RGPD3: variants seen among roughly 807,000 people sequenced by gnomAD.
RGPD3 encodes RANBP2 like and GRIP domain containing 3, also known as ranBP2-like and GRIP domain-containing protein 3.
A neutral mutation model predicts 154.5 loss-of-function variants in RGPD3; 62 were observed. That is an observed-to-expected ratio of 0.40 (90% CI 0.33 to 0.50). The LOEUF is 0.50. Ranked by LOEUF, RGPD3 falls within the 20% of genes least tolerant of loss-of-function variation. RGPD3 has a pLI of 0.59. For missense variants in RGPD3, 919 were observed against 1,716.8 expected (o/e 0.54, Z 8.21); for synonymous variants, 308 against 607.0 (o/e 0.51, Z 7.24).
At chr2:106,449,114 CAA>C (rs1180648687) in intron 6 of RGPD3, among the ~76,000 whole-genome samples, 3 of 151,744 alleles carry the variant, frequency 2.0e-5, no homozygotes, top group East Asian at 3.9e-4. Context: ...AATGCAAAAA[CAA>C]TGACACTTTT....
chr2:106,437,617 T>C (rs1480890665), intron 9 of RGPD3, among the ~76,000 whole-genome samples: 1 of 152,256 alleles, frequency 6.6e-6, no homozygotes, highest in South Asian at 2.1e-4. Context: ...AAGATGTTCA[T>C]GTCCTTTGTC....
At chr2:106,409,186 C>G in intron 22 of RGPD3, among the ~76,000 whole-genome samples, 1 of 152,106 alleles carries the variant, frequency 6.6e-6, no homozygotes, top group African/African-American at 2.4e-5. Flanking sequence ...CCTTCAGTGC[C>G]AGGAAGAGTG....
At chr2:106,462,183 T>C (rs1344168721) in intron 1 of RGPD3, among the ~76,000 whole-genome samples, 1 of 152,080 alleles carries the variant, frequency 6.6e-6, no homozygotes, top group Non-Finnish European at 1.5e-5. Context: ...GCCCGGCCAG[T>C]TCCCCCTTTT....
chr2:106,461,441 C>T (rs546394507), intron 1 of RGPD3, among the ~76,000 whole-genome samples: 1 of 152,164 alleles, frequency 6.6e-6, no homozygotes, highest in Non-Finnish European at 1.5e-5. Flanking sequence ...ATATGTTGGA[C>T]AAAGGGATGA....
At chr2:106,438,004 T>A (rs1677619605) in intron 9 of RGPD3, among the ~76,000 whole-genome samples, 1 of 152,248 alleles carries the variant, frequency 6.6e-6, no homozygotes, top group Non-Finnish European at 1.5e-5. Flanking sequence ...TGATCTTGGC[T>A]CACTGCAACC....
chr2:106,464,679 A>C, intron 1 of RGPD3, among the ~76,000 whole-genome samples: 1 of 152,022 alleles, frequency 6.6e-6, no homozygotes, highest in Non-Finnish European at 1.5e-5. Flanking sequence ...ACTAAACAGA[A>C]GCCATCTGGA....
chr2:106,423,864 T>G lies in RGPD3; in HGVS notation c.4103A>C (p.Asp1368Ala). The change falls in exon 20 of 23, where the codon GAT becomes GCT. Residue 1368 changes from aspartate (D) to alanine (A), a missense_variant. By Grantham distance (126) the Asp-to-Ala change is moderately radical (BLOSUM62 -2). Coordinates refer to ENST00000409886, the MANE Select transcript of RGPD3 (RefSeq NM_001144013.2). The stretch of plus-strand genomic sequence containing the variant: ...TTCTTTCCATTGACCAACATCTTTA[T>G]CATATCTGTAGAATTCTGCCCTGTG... ...FSHRAEFYRY[D>A]KDVGQWKERG... 1 of 1,612,014 alleles carries G rather than the reference T, an allele frequency of 6.2e-7. No homozygotes were observed. The highest frequency in any genetic ancestry group is 8.5e-7 in the Non-Finnish European group (1 of 1,179,876).
intron 21 of RGPD3, among the ~76,000 whole-genome samples, chr2:106,414,608 C>T (rs1408221013): frequency 6.2e-5 from 9 of 144,766 alleles, no homozygotes; most frequent in Non-Finnish European, 9.0e-5. Flanking sequence ...AGTGACAGAG[C>T]GAGACTATCT....
intron 9 of RGPD3, among the ~76,000 whole-genome samples, chr2:106,437,461 A>G (rs10190460): frequency 6.6e-6 from 1 of 151,784 alleles, no homozygotes; most frequent in East Asian, 1.9e-4. Flanking sequence ...GCAGTGAGCC[A>G]AGATTGCGCC....
Position 106,404,293 on chromosome 2 carries a change from G to A in RGPD3, c.*926C>T, listed in dbSNP as rs1351167444. ...TGCAGTGACACCCTATCAAGAGCCT[G>A]GAAAGACACCATGAAATCACCTCAA... On this transcript the variant is annotated 3_prime_UTR_variant, in exon 23 of 23. Coordinates refer to ENST00000409886, the MANE Select transcript of RGPD3 (RefSeq NM_001144013.2). Among the ~76,000 whole-genome samples the A allele has an allele frequency of 2.0e-5, 3 of 149,798 alleles. No homozygotes were observed. Among genetic ancestry groups the A allele is most frequent in the Non-Finnish European group, 4.4e-5 (3 of 67,578 alleles).
intron 21 of RGPD3, among the ~76,000 whole-genome samples, chr2:106,414,060 T>C (rs1288738550): frequency 2.0e-5 from 3 of 151,874 alleles, no homozygotes; most frequent in Non-Finnish European, 4.4e-5. Context: ...CGGCACTTAA[T>C]CAAAAGTTCA....
rs1012235450 is a variant in RGPD3 at position 106,468,348 on chromosome 2, C to G, written c.-60G>C. On this transcript the variant is annotated 5_prime_UTR_variant, in exon 1 of 23. Coordinates refer to ENST00000409886, the MANE Select transcript of RGPD3 (RefSeq NM_001144013.2). ...CCAGCGCTCAGCCCCGCAGCAGTCG[C>G]CAATTCCAAGAGGAAAGCGCCTGAA... 7 of 1,558,520 alleles carry G rather than the reference C, an allele frequency of 4.5e-6. No individual in the cohort carries two copies. The African/African-American group carries it at 9.5e-5, about 21-fold the overall frequency.
intron 6 of RGPD3, among the ~76,000 whole-genome samples, chr2:106,450,862 C>T (rs1450470020): frequency 7.8e-5 from 8 of 102,258 alleles, no homozygotes; most frequent in East Asian, 4.5e-4. Context: ...GCCAACCTGG[C>T]GAGAGCAAGA....
chr2:106,425,392 T>C (rs1677166770), intron 19 of RGPD3, 126 bp from the exon 20 acceptor site: 9 of 1,279,148 alleles, frequency 7.0e-6, no homozygotes. Context: ...ATGATGATGA[T>C]AACATTTATT....
chr2:106,438,205 G>C (rs1677631180), intron 9 of RGPD3, among the ~76,000 whole-genome samples: 1 of 152,086 alleles, frequency 6.6e-6, no homozygotes, highest in African/African-American at 2.4e-5. Flanking sequence ...TGGGATTACA[G>C]ATATGAGCCA....
chr2:106,446,732 A>G (rs1243702836), intron 7 of RGPD3, among the ~76,000 whole-genome samples: 3 of 150,148 alleles, frequency 2.0e-5, no homozygotes, highest in African/African-American at 7.3e-5. Flanking sequence ...AATACAAAAA[A>G]TTAGCTGGGC....
At chr2:106,421,033 T>C (rs1437121352) in intron 20 of RGPD3, among the ~76,000 whole-genome samples, 6 of 152,204 alleles carry the variant, frequency 3.9e-5, no homozygotes, top group African/African-American at 7.2e-5. Flanking sequence ...AATGTTAAAT[T>C]TGTCCCTCTC....
intron 1 of RGPD3, among the ~76,000 whole-genome samples, chr2:106,462,952 A>G (rs1430132287): frequency 6.7e-6 from 1 of 149,576 alleles, no homozygotes; most frequent in East Asian, 2.0e-4. Flanking sequence ...CAGAACAAAC[A>G]AAAGAGGAGA....
chr2:106,405,041 C>T lies in RGPD3; in HGVS notation c.*178G>A. 13 of 719,438 alleles carry T rather than the reference C, an allele frequency of 1.8e-5. 1 individual carries two copies. The South Asian group carries it at 2.5e-4, about 14-fold the overall frequency. The allele number at this position is 719,438 out of a possible 1,614,324, so 44.6% of individuals were successfully genotyped here. A position where few individuals can be genotyped will look rare whatever the true frequency, so the allele number is the denominator to read the frequency against. The stretch of plus-strand genomic sequence containing the variant: ...AAAATACATCTGTCATATAGATGTA[C>T]AAATATATGTAAATGCAAACATATA... On this transcript the variant is annotated 3_prime_UTR_variant, in exon 23 of 23. Coordinates refer to ENST00000409886, the MANE Select transcript of RGPD3 (RefSeq NM_001144013.2).
Sources: gnomAD v4.1 joint callset for allele counts (sites outside exome capture counted in the v4.1 genomes callset) on GRCh38, gnomAD v4.1.1 for gene constraint, MANE v1.5 for transcripts, NCBI Gene and HGNC (gene_info 2026-07-23, HGNC 2026-07-21) for gene names.